Variants in TCF20 observed in about 807,000 individuals in gnomAD.
The protein encoded by TCF20 is transcription factor 20, also known as SPRE-binding protein.
TCF20 carries 3 observed loss-of-function variants against 148.6 expected under a neutral mutation model. That is an observed-to-expected ratio of 0.02 (90% CI 0.01 to 0.05). The LOEUF is 0.05. Ranked by LOEUF, TCF20 falls within the 10% of genes least tolerant of loss-of-function variation. The pLI is 1.00. For missense variants in TCF20, 2,350 were observed against 2,429.3 expected, an observed-to-expected ratio of 0.97 and a Z score of 0.69; for synonymous variants, 1,049 against 909.5, an observed-to-expected ratio of 1.15 and a Z score of -2.76.
intron 1 of TCF20, among the ~76,000 whole-genome samples, chr22:42,260,240 C>T (rs989179662): frequency 9.2e-5 from 14 of 152,096 alleles, no homozygotes; most frequent in Admixed American, 1.3e-4. Context: ...GGAAGGTGAA[C>T]AAACCTGTAG....
intron 2 of TCF20, among the ~76,000 whole-genome samples, chr22:42,190,115 G>T (rs1477223754): frequency 6.6e-6 from 1 of 152,074 alleles, no homozygotes; most frequent in Non-Finnish European, 1.5e-5. Flanking sequence ...GGGAAAAAAG[G>T]GCACGGTGGG....
chr22:42,168,815 G>A, intron 4 of TCF20, 79 bp from the exon 5 acceptor site: 1 of 1,465,146 alleles, frequency 6.8e-7, no homozygotes, highest in South Asian at 1.4e-5. Flanking sequence ...AGGGAGGACA[G>A]GAGTGGCACA....
chr22:42,273,291 C>T (rs1025082247), upstream of TCF20, among the ~76,000 whole-genome samples: 10 of 127,422 alleles, frequency 7.8e-5, no homozygotes, highest in Non-Finnish European at 1.5e-4. Context: ...ACCCTGGAGG[C>T]AAAGGTTGCA....
rs1927106171 is a variant in TCF20, at chr22:42,290,079, C to T, written c.-37+53400G>A. ...CACTCCCGCCGCACGCATGCGCCCC[C>T]TGCACCGCCGGCTGCTGCTTGGGGA... On this transcript the variant is annotated intron_variant, in intron 1 of 1. Coordinates refer to the TCF20 transcript ENST00000515426. The surrounding 1 kb of genome is among the most constrained non-coding windows in gnomAD (Gnocchi z 4.2). 6.6e-6 allele frequency among the ~76,000 whole-genome samples: 1 copy of T among 152,242 alleles called. No homozygotes were observed. Among genetic ancestry groups the T allele is most frequent in the African/African-American group, 2.4e-5 (1 of 41,472 alleles).
chr22:42,226,092 C>A (rs2075034138), intron 1 of TCF20, among the ~76,000 whole-genome samples: 1 of 152,208 alleles, frequency 6.6e-6, no homozygotes, highest in African/African-American at 2.4e-5. Context: ...CACCCCCACT[C>A]CATGGCTATC....
intron 1 of TCF20, among the ~76,000 whole-genome samples, chr22:42,315,056 G>T (rs1197974594): frequency 6.6e-6 from 1 of 152,130 alleles, no homozygotes; most frequent in Admixed American, 6.5e-5. Flanking sequence ...CACAAAGCCA[G>T]TTTTCACACA....
chr22:42,325,282 G>A (rs1393534599), intron 1 of TCF20, among the ~76,000 whole-genome samples: 2 of 152,202 alleles, frequency 1.3e-5, no homozygotes, highest in Non-Finnish European at 2.9e-5. Flanking sequence ...TCCTCCCTGG[G>A]AAGCCCAGGG....
intron 1 of TCF20, among the ~76,000 whole-genome samples, chr22:42,281,689 T>TG (rs1335784325): frequency 6.6e-6 from 1 of 152,218 alleles, no homozygotes. Flanking sequence ...AAGATTTCTG[T>TG]GGGGAAAAAA....
chr22:42,252,260 G>T (rs934454532), intron 1 of TCF20, among the ~76,000 whole-genome samples: 2 of 148,922 alleles, frequency 1.3e-5, no homozygotes, highest in African/African-American at 5.0e-5. Context: ...TCCAGCCTGG[G>T]CGACAGAACG....
chr22:42,322,616 C>CT (rs200009447), intron 1 of TCF20, among the ~76,000 whole-genome samples: 4,972 of 151,858 alleles, frequency 0.033, 308 homozygotes, highest in African/African-American at 0.11. Flanking sequence ...AGGAAGGTTC[C>CT]TAACACATCA....
In TCF20 at chr22:42,161,146, A is replaced by C; in HGVS notation, c.*257T>G. On this transcript the variant is annotated 3_prime_UTR_variant, in exon 6 of 6. Transcript: ENST00000677622. ...CCCTCCCCCCACATTGTCACTATGG[A>C]GATTGTGTCCATGGAAACAGCCATT... The C allele has an allele frequency of 1.4e-5, 3 of 211,910 alleles. No individual in the cohort carries two copies. Among genetic ancestry groups the C allele is most frequent in the East Asian group, 1.7e-4 (1 of 5,934 alleles). The allele number at this position is 211,910 out of a possible 1,614,324, so 13.1% of individuals were successfully genotyped here.
chr22:42,188,826 C>T (rs1049830198), intron 2 of TCF20, among the ~76,000 whole-genome samples: 1 of 152,162 alleles, frequency 6.6e-6, no homozygotes, highest in African/African-American at 2.4e-5. Context: ...GCCAAAAGTT[C>T]ACCTAGTGTC....
intron 1 of TCF20, among the ~76,000 whole-genome samples, chr22:42,252,217 A>G (rs528610979): frequency 2.0e-3 from 304 of 151,248 alleles, no homozygotes; most frequent in African/African-American, 7.2e-3. Flanking sequence ...AACCCAAGAG[A>G]CAGAGGTTGC....
chr22:42,184,185 G>T (rs1014616083), intron 2 of TCF20, among the ~76,000 whole-genome samples: 7 of 152,072 alleles, frequency 4.6e-5, no homozygotes, highest in East Asian at 1.9e-4. Context: ...GTCTGTCTTC[G>T]ACATCTGTTT....
Position 42,212,507 on chromosome 22 carries a change from A to G in TCF20, c.2799T>C (p.Phe933=), listed in dbSNP as rs1318074310. The part of the protein sequence containing the change: ...SQSGQIKEED[F]EQSKSQASFN... ...AACTAGCTTGAGATTTAGACTGTTC[A>G]AAGTCTTCCTCTTTTATCTGCCCGC... Residue 933 remains phenylalanine (F), a synonymous_variant, in exon 2 of 6, where the codon TTT becomes TTC. Coordinates refer to ENST00000677622, the MANE Select transcript of TCF20 (RefSeq NM_001378418.1). 3 of 1,614,188 alleles carry G rather than the reference A, an allele frequency of 1.9e-6. No homozygotes were observed. Among genetic ancestry groups the G allele is most frequent in the South Asian group, 1.1e-5 (1 of 91,078 alleles).
rs1928114119 is a variant in TCF20 at position 42,338,843 on chromosome 22, A to G, written c.-37+4636T>C. Among the ~76,000 whole-genome samples, 1 of 152,170 alleles carries G rather than the reference A, an allele frequency of 6.6e-6. No homozygotes were observed. The highest frequency in any genetic ancestry group is 2.1e-4 in the South Asian group (1 of 4,830). On this transcript the variant is annotated intron_variant, in intron 1 of 1. Coordinates refer to the TCF20 transcript ENST00000515426. This position sits in a 1 kb window ranked among gnomAD's most constrained non-coding sequence, Gnocchi z 4.0. The stretch of plus-strand genomic sequence containing the variant: ...TTAAATTGGGCTGGAGTCCCTTCAG[A>G]TGCATTATAAATATAAAGGCTAAAA...
chr22:42,212,955 C>T lies in TCF20; in HGVS notation c.2351G>A (p.Gly784Glu). 6.2e-7 allele frequency: 1 copy of T among 1,614,160 alleles called. No individual in the cohort carries two copies. The highest frequency in any genetic ancestry group is 8.5e-7 in the Non-Finnish European group (1 of 1,180,034). Residue 784 changes from glycine (G) to glutamate (E), a missense_variant, in exon 2 of 6, where the codon GGA (glycine) becomes GAA (glutamate). Physicochemically the swap from Gly to Glu is moderately conservative, Grantham distance 98. Coordinates refer to ENST00000677622, the MANE Select transcript of TCF20 (RefSeq NM_001378418.1). Reference protein sequence around the residue: ...EHQGMAGSLEGTTRPNVLVSQ... With the variant: ...EHQGMAGSLEETTRPNVLVSQ... Reference sequence around the variant, plus strand: ...AACCAAGACATTGGGCCTTGTGGTTCCTTCTAGGCTACCAGCCATCCCCTG... The same window carrying T: ...AACCAAGACATTGGGCCTTGTGGTTTCTTCTAGGCTACCAGCCATCCCCTG...
rs1226269783 is a variant in TCF20 at position 42,212,595 on chromosome 22, A to G, written c.2711T>C (p.Leu904Ser). Residue 904 changes from leucine to serine, a missense_variant, in exon 2 of 6, where the codon TTA becomes TCA. Physicochemically the swap from Leu to Ser is moderately radical, Grantham distance 145. Around this residue, in one of 7 missense-constraint regions of TCF20, gnomAD observed 1,641 missense variants for 1,662.6 expected, o/e 0.99. Coordinates refer to ENST00000677622, the MANE Select transcript of TCF20 (RefSeq NM_001378418.1). The part of the protein sequence containing the change: ...IGRNDRLNPT[L>S]SQSVILPGGL... ...ACCAGGAAGAATGACCGACTGACTTAAAGTTGGATTGAGACGGTCATTCCT... is the reference window on the plus strand; with the variant it reads ...ACCAGGAAGAATGACCGACTGACTTGAAGTTGGATTGAGACGGTCATTCCT... The G allele has an allele frequency of 6.2e-7, 1 of 1,614,170 alleles. No homozygotes were observed.
rs553885134 is a variant in TCF20 at position 42,174,925 on chromosome 22, C to G, written c.5749+4684G>C. Among the ~76,000 whole-genome samples the G allele has an allele frequency of 1.1e-4, 17 of 151,982 alleles. No homozygotes were observed. In the South Asian group the frequency reaches 3.5e-3, roughly 32 times the overall value. On this transcript the variant is annotated intron_variant, in intron 3 of 5. Transcript: ENST00000677622. ...CGGCGGGCGCCTGTAGTCCCAGCTGCTGGGGCGGCTGAGGCAGGAGAATGG... is the reference window on the plus strand; with the variant it reads ...CGGCGGGCGCCTGTAGTCCCAGCTGGTGGGGCGGCTGAGGCAGGAGAATGG...
Sources: gnomAD v4.1 joint callset for allele counts (sites outside exome capture counted in the v4.1 genomes callset) on GRCh38, gnomAD v4.1.1 for gene constraint, gnomAD v4.1.1 regional missense constraint, Gnocchi (gnomAD v3.1) non-coding constraint, MANE v1.5 for transcripts, NCBI Gene and HGNC (gene_info 2026-07-23, HGNC 2026-07-21) for gene names.